RBFOX1: variants seen among roughly 807,000 people sequenced by gnomAD.
RBFOX1 encodes the protein RNA binding protein fox-1 homolog 1.
A neutral mutation model predicts 57.7 loss-of-function variants in RBFOX1; 8 were observed. The observed-to-expected ratio is 0.14, with a 90% CI of 0.08 to 0.25. The LOEUF (loss-of-function observed/expected upper bound fraction) is 0.25, where lower values mean the gene tolerates loss of function less well. RBFOX1 is among the 10% of genes least tolerant of loss of function. RBFOX1 has a pLI of 1.00. For synonymous variants in RBFOX1, 326 were observed against 222.4 expected (o/e 1.47, Z -4.15); for missense variants, 611 against 548.5 (o/e 1.11, Z -1.14).
At chr16:6,658,251 T>C (rs925826188) in intron 3 of RBFOX1, among the ~76,000 whole-genome samples, 1 of 151,872 alleles carries the variant, frequency 6.6e-6, no homozygotes, top group Non-Finnish European at 1.5e-5. Context: ...CATTTTTTTT[T>C]TTTTTTAACA....
At chr16:7,525,894 T>C (rs528821789) in intron 5 of RBFOX1, among the ~76,000 whole-genome samples, 1 of 152,306 alleles carries the variant, frequency 6.6e-6, no homozygotes, top group African/African-American at 2.4e-5. Flanking sequence ...CTTGTCTGCC[T>C]GATGTTAAAG....
At chr16:5,809,543 C>T (rs966766919) in intron 3 of RBFOX1, among the ~76,000 whole-genome samples, 13 of 152,192 alleles carry the variant, frequency 8.5e-5, no homozygotes, top group Admixed American at 7.9e-4. Context: ...CAAAAGAAGA[C>T]ATTTATGCAG....
intron 2 of RBFOX1, among the ~76,000 whole-genome samples, chr16:5,517,900 T>A (rs2043852449): frequency 6.6e-6 from 1 of 151,740 alleles, no homozygotes; most frequent in African/African-American, 2.4e-5. Flanking sequence ...TACATATATA[T>A]GTGTATATTT....
chr16:6,234,254 G>A (rs887649847), intron 1 of RBFOX1, among the ~76,000 whole-genome samples: 2 of 152,098 alleles, frequency 1.3e-5, no homozygotes, highest in Non-Finnish European at 2.9e-5. Flanking sequence ...CCTGCCCACT[G>A]TCAATTTTTT....
intron 4 of RBFOX1, among the ~76,000 whole-genome samples, chr16:7,417,602 T>G (rs1381612864): frequency 6.6e-6 from 1 of 151,812 alleles, no homozygotes; most frequent in East Asian, 1.9e-4. Context: ...CCTCCTGTGA[T>G]AGCCACCATA....
At chr16:6,525,048 G>A (rs1024999329) in intron 2 of RBFOX1, among the ~76,000 whole-genome samples, 1 of 152,146 alleles carries the variant, frequency 6.6e-6, no homozygotes, top group African/African-American at 2.4e-5. Context: ...GTGGGAATAG[G>A]CTGGGTTACT....
intron 1 of RBFOX1, among the ~76,000 whole-genome samples, chr16:6,249,978 A>G (rs1158446879): frequency 6.6e-6 from 1 of 152,050 alleles, no homozygotes; most frequent in Non-Finnish European, 1.5e-5. Context: ...GCAGTGGAGC[A>G]GGAAATGGCT....
At chr16:6,606,817 T>TA (rs1269239360) in intron 2 of RBFOX1, among the ~76,000 whole-genome samples, 1 of 152,234 alleles carries the variant, frequency 6.6e-6, no homozygotes, top group African/African-American at 2.4e-5. Context: ...GCAGTGAACA[T>TA]ACGCGTGCAT....
chr16:6,211,182 C>A (rs534017490), intron 1 of RBFOX1, among the ~76,000 whole-genome samples: 4 of 53,148 alleles, frequency 7.5e-5, no homozygotes, highest in African/African-American at 8.4e-5. Context: ...AGAGTGTTTT[C>A]TTCTTCTTTT....
chr16:7,190,340 C>G (rs1326875969), intron 4 of RBFOX1, among the ~76,000 whole-genome samples: 1 of 152,164 alleles, frequency 6.6e-6, no homozygotes, highest in African/African-American at 2.4e-5. Flanking sequence ...GCCTGGGTGA[C>G]AGAGACTCCG....
At chr16:5,365,847 C>G (rs1249369303) in intron 1 of RBFOX1, 7 of 516,298 alleles carry the variant, frequency 1.4e-5, no homozygotes, top group Admixed American at 1.2e-4. Flanking sequence ...CCAGAACTGT[C>G]TTTTCGGGTG....
At chr16:7,534,480 C>A (rs149992903) in intron 5 of RBFOX1, among the ~76,000 whole-genome samples, 1 of 152,068 alleles carries the variant, frequency 6.6e-6, no homozygotes, top group South Asian at 2.1e-4. Context: ...CTGAAGCTTA[C>A]GTGTAGAATA....
At chr16:6,054,876 G>C (rs1028742338) in intron 1 of RBFOX1, among the ~76,000 whole-genome samples, 2 of 152,100 alleles carry the variant, frequency 1.3e-5, no homozygotes, top group Admixed American at 6.5e-5. Context: ...TCTGCCTCTT[G>C]GGTTCAAGTG....
intron 2 of RBFOX1, among the ~76,000 whole-genome samples, chr16:6,375,340 T>C (rs1418116874): frequency 2.0e-5 from 3 of 151,520 alleles, no homozygotes; most frequent in African/African-American, 7.3e-5. Context: ...CATTTCTCTT[T>C]TAACAAAGAA....
intron 3 of RBFOX1, among the ~76,000 whole-genome samples, chr16:6,935,303 C>A (rs9926278): frequency 6.6e-6 from 1 of 151,918 alleles, no homozygotes; most frequent in East Asian, 2.0e-4. Context: ...TTCAGACGAT[C>A]TCTCCAAGTC....
chr16:5,524,944 C>T (rs1011585775), intron 2 of RBFOX1, among the ~76,000 whole-genome samples: 2 of 152,208 alleles, frequency 1.3e-5, no homozygotes, highest in African/African-American at 4.8e-5. Flanking sequence ...CCTCCTACCC[C>T]ACTGGGTGCA....
chr16:6,741,551 C>T (rs1407251904), intron 3 of RBFOX1, among the ~76,000 whole-genome samples: 1 of 151,852 alleles, frequency 6.6e-6, no homozygotes, highest in Non-Finnish European at 1.5e-5. Flanking sequence ...CACCTGTAAT[C>T]CCAGCTACTT....
rs188405360 is a variant in RBFOX1 at position 7,598,459 on chromosome 16, C to T, written c.622+1028C>T. On this transcript the variant is annotated intron_variant, in intron 9 of 15. Transcript: ENST00000550418. ...AGGAGATATATGGAATTTTATACTT[C>T]TAAAATTTTAATTGCACATGGAGAT... Among the ~76,000 whole-genome samples, 61 of 151,836 alleles carry T rather than the reference C, an allele frequency of 4.0e-4. 1 individual carries two copies. The East Asian group carries it at 0.01, about 26-fold the overall frequency.
intron 3 of RBFOX1, among the ~76,000 whole-genome samples, chr16:7,024,269 G>A (rs1048944344): frequency 1.3e-5 from 2 of 152,108 alleles, no homozygotes; most frequent in Non-Finnish European, 2.9e-5. Flanking sequence ...GAGACATGGT[G>A]GCTTTGACAA....
Sources: gnomAD v4.1 joint callset for allele counts (sites outside exome capture counted in the v4.1 genomes callset) on GRCh38, gnomAD v4.1.1 for gene constraint, MANE v1.5 for transcripts, NCBI Gene and HGNC (gene_info 2026-07-23, HGNC 2026-07-21) for gene names.